Variants in GABRB1 observed in about 807,000 individuals in gnomAD.
GABRB1 encodes the protein gamma-aminobutyric acid receptor subunit beta-1.
GABRB1 carries 17 observed loss-of-function variants against 51.6 expected under a neutral mutation model. The observed-to-expected ratio is 0.33, with a 90% CI of 0.23 to 0.49. The LOEUF (loss-of-function observed/expected upper bound fraction) is 0.49. GABRB1 is among the 20% of genes least tolerant of loss of function. The probability of loss-of-function intolerance (pLI) is 0.99; values close to 1 mark genes in which losing one functional copy is unlikely to be tolerated. For synonymous variants in GABRB1, 247 were observed against 218.9 expected, an observed-to-expected ratio of 1.13 and a Z score of -1.14; for missense variants, 410 against 600.6, an observed-to-expected ratio of 0.68 and a Z score of 3.32.
chr4:47,254,249 C>T (rs1459607230), intron 4 of GABRB1, among the ~76,000 whole-genome samples: 4 of 151,828 alleles, frequency 2.6e-5, no homozygotes, highest in African/African-American at 9.7e-5. Flanking sequence ...TTTCCAGTAA[C>T]CCTGATACCC....
Position 47,406,907 on chromosome 4 carries a change from T to A in GABRB1, c.1061T>A (p.Leu354Gln), listed in dbSNP as rs1269791094. ...CAGAGTGCCAATGAGAAGAATAAAC[T>A]GGAGATGAATAAAGTCCAGGTAAGA... ...QDQSANEKNKLEMNKVQVDAH... is the reference protein window; with the variant it reads ...QDQSANEKNKQEMNKVQVDAH... Residue 354 changes from leucine (L) to glutamine (Q), a missense_variant, in exon 8 of 9, where the codon CTG (leucine) becomes CAG (glutamine). By Grantham distance (113) the Leu-to-Gln change is moderately radical (BLOSUM62 -2). This residue lies in a region of GABRB1 where 181 missense variants were observed against 195.6 expected (regional missense o/e 0.93). Coordinates refer to ENST00000295454, the MANE Select transcript of GABRB1 (RefSeq NM_000812.4). 2.5e-6 allele frequency: 4 copies of A among 1,613,950 alleles called. No homozygotes were observed. The highest frequency in any genetic ancestry group is 1.1e-5 in the South Asian group (1 of 91,076).
chr4:47,242,889 A>G (rs1721585168), intron 4 of GABRB1, among the ~76,000 whole-genome samples: 1 of 152,230 alleles, frequency 6.6e-6, no homozygotes, highest in East Asian at 1.9e-4. Flanking sequence ...TCTTTAGTTT[A>G]ATTAGATCCC....
intron 3 of GABRB1, among the ~76,000 whole-genome samples, chr4:47,062,383 A>G (rs555455103): frequency 5.9e-4 from 90 of 151,516 alleles, no homozygotes; most frequent in African/African-American, 2.2e-3. Context: ...TACATCAGAA[A>G]ATGTTATGCC....
At chr4:47,203,790 G>A (rs549897882) in intron 4 of GABRB1, among the ~76,000 whole-genome samples, 76 of 151,908 alleles carry the variant, frequency 5.0e-4, no homozygotes, top group African/African-American at 1.7e-3. Flanking sequence ...CCCTCAGAGC[G>A]TAGGTGGAGG....
Position 47,415,852 on chromosome 4 carries a change from C to T in GABRB1, c.1080+8926C>T, listed in dbSNP as rs562265553. On this transcript the variant is annotated intron_variant, in intron 8 of 8. Transcript: ENST00000295454. ...ACACCTCAATGTCTGAGAACCACAA[C>T]CCTGGAGATCCTAGACATTCTAGCC... is the stretch of plus-strand genomic sequence containing the variant. 3.3e-5 allele frequency among the ~76,000 whole-genome samples: 5 copies of T among 152,306 alleles called. No homozygotes were observed. The East Asian group carries it at 7.7e-4, about 23-fold the overall frequency.
At chr4:47,195,934 T>G (rs1719666124) in intron 4 of GABRB1, among the ~76,000 whole-genome samples, 1 of 152,220 alleles carries the variant, frequency 6.6e-6, no homozygotes, top group Non-Finnish European at 1.5e-5. Context: ...TGCAACACTG[T>G]TTCTGTGATA....
chr4:47,123,103 C>T (rs1715853494), intron 3 of GABRB1, among the ~76,000 whole-genome samples: 1 of 151,780 alleles, frequency 6.6e-6, no homozygotes, highest in Non-Finnish European at 1.5e-5. Context: ...TTCCAGTGCT[C>T]TGCCTTTTTG....
intron 4 of GABRB1, among the ~76,000 whole-genome samples, chr4:47,258,736 T>C (rs1722312503): frequency 6.6e-6 from 1 of 152,150 alleles, no homozygotes; most frequent in South Asian, 2.1e-4. Flanking sequence ...TTCTATGAAA[T>C]CACTGTGATA....
intron 5 of GABRB1, among the ~76,000 whole-genome samples, chr4:47,391,645 C>G (rs567553543): frequency 3.5e-4 from 53 of 152,200 alleles, no homozygotes; most frequent in African/African-American, 1.1e-3. Flanking sequence ...TCCTTGGTGC[C>G]CAGACTTACC....
At chr4:47,330,558 C>T (rs1267395947) in intron 5 of GABRB1, among the ~76,000 whole-genome samples, 1 of 152,058 alleles carries the variant, frequency 6.6e-6, no homozygotes, top group Admixed American at 6.6e-5. Context: ...TGAAATAGAT[C>T]CCTGCTTAAG....
chr4:47,146,589 G>C (rs2109704953), intron 3 of GABRB1, among the ~76,000 whole-genome samples: 1 of 152,080 alleles, frequency 6.6e-6, no homozygotes, highest in African/African-American at 2.4e-5. Flanking sequence ...AGAATTAATA[G>C]CGTAATAATC....
intron 4 of GABRB1, among the ~76,000 whole-genome samples, chr4:47,218,551 A>C (rs1161945636): frequency 6.6e-6 from 1 of 151,724 alleles, no homozygotes; most frequent in Non-Finnish European, 1.5e-5. Context: ...ATGATATCTC[A>C]TTGTGGATTT....
At chr4:47,371,101 T>C (rs370880830) in intron 5 of GABRB1, among the ~76,000 whole-genome samples, 406 of 20,286 alleles carry the variant, frequency 0.02, 1 homozygote, top group African/African-American at 0.068. Context: ...ACCCCCACCC[T>C]GACAGGCTCC....
intron 3 of GABRB1, among the ~76,000 whole-genome samples, chr4:47,086,820 C>G (rs1728099588): frequency 6.6e-6 from 1 of 152,196 alleles, no homozygotes; most frequent in Admixed American, 6.5e-5. Flanking sequence ...TTACTGCTTG[C>G]TGTGCAGTGG....
At chr4:47,189,310 T>C (rs1719331005) in intron 4 of GABRB1, among the ~76,000 whole-genome samples, 1 of 151,888 alleles carries the variant, frequency 6.6e-6, no homozygotes, top group African/African-American at 2.4e-5. Context: ...TTATACATAA[T>C]ATTATGGCAG....
At chr4:47,069,722 A>T (rs1331076244) in intron 3 of GABRB1, among the ~76,000 whole-genome samples, 36 of 152,178 alleles carry the variant, frequency 2.4e-4, no homozygotes, top group Admixed American at 2.4e-3. Context: ...CTGATAGGTT[A>T]AGTGGAAATC....
At chr4:47,091,471 C>T (rs558146583) in intron 3 of GABRB1, among the ~76,000 whole-genome samples, 50 of 152,168 alleles carry the variant, frequency 3.3e-4, no homozygotes, top group African/African-American at 1.1e-3. Flanking sequence ...CATTTAAAAA[C>T]GCTCACTAAA....
At chr4:47,288,977 C>T (rs1245401139) in intron 4 of GABRB1, among the ~76,000 whole-genome samples, 1 of 152,050 alleles carries the variant, frequency 6.6e-6, no homozygotes, top group Non-Finnish European at 1.5e-5. Flanking sequence ...ACTAGCATGG[C>T]ACCTTATTGT....
intron 3 of GABRB1, among the ~76,000 whole-genome samples, chr4:47,135,774 A>G (rs1399717573): frequency 6.6e-6 from 1 of 152,102 alleles, no homozygotes; most frequent in East Asian, 1.9e-4. Flanking sequence ...TTTCCTAATT[A>G]AAAAGCTTTA....
Sources: gnomAD v4.1 joint callset for allele counts (sites outside exome capture counted in the v4.1 genomes callset) on GRCh38, gnomAD v4.1.1 for gene constraint, gnomAD v4.1.1 regional missense constraint, MANE v1.5 for transcripts, NCBI Gene and HGNC (gene_info 2026-07-23, HGNC 2026-07-21) for gene names.